Variants in PDE10A observed in about 807,000 individuals in gnomAD.
The protein encoded by PDE10A is phosphodiesterase 10A, also known as cAMP and cAMP-inhibited cGMP 3',5'-cyclic phosphodiesterase 10A.
PDE10A carries 39 observed loss-of-function variants against 97.7 expected under a neutral mutation model. The observed-to-expected ratio is 0.40, with a 90% CI of 0.31 to 0.52. The LOEUF is 0.52. Ranked by LOEUF, PDE10A falls within the 20% of genes least tolerant of loss-of-function variation. The probability of loss-of-function intolerance (pLI) is 0.56; values close to 1 mark genes in which losing one functional copy is unlikely to be tolerated. For missense variants in PDE10A, 731 were observed against 1,047.8 expected (o/e 0.70, Z 4.17); for synonymous variants, 371 against 376.8 (o/e 0.98, Z 0.18).
At chr6:165,613,935 T>C (rs78930052) in intron 1 of PDE10A, among the ~76,000 whole-genome samples, 2,339 of 152,164 alleles carry the variant, frequency 0.015, 58 homozygotes, top group African/African-American at 0.053. Context: ...TCCTTCTCCA[T>C]TCCCCTTCTC....
At chr6:165,807,864 T>G (rs1345238214) in intron 1 of PDE10A, among the ~76,000 whole-genome samples, 3 of 152,206 alleles carry the variant, frequency 2.0e-5, no homozygotes. Flanking sequence ...TGTGCCTGTT[T>G]CCATATGTGT....
intron 1 of PDE10A, among the ~76,000 whole-genome samples, chr6:165,961,129 T>A (rs996704605): frequency 2.0e-5 from 3 of 151,956 alleles, no homozygotes; most frequent in Admixed American, 6.6e-5. Context: ...GGGGATGGGG[T>A]GCAGGGGACC....
At chr6:165,729,786 GAA>G (rs11383862) in intron 1 of PDE10A, among the ~76,000 whole-genome samples, 1 of 151,082 alleles carries the variant, frequency 6.6e-6, no homozygotes, top group African/African-American at 2.4e-5. Context: ...TTACTAGGCA[GAA>G]AAAAAAATCC....
chr6:165,443,347 T>G (rs757997155), intron 5 of PDE10A, among the ~76,000 whole-genome samples: 106 of 152,174 alleles, frequency 7.0e-4, no homozygotes, highest in Non-Finnish European at 1.3e-3. Flanking sequence ...GGCCCCAAAA[T>G]AATCTCCTTT....
At chr6:165,339,625 A>G (rs1254078140) in intron 19 of PDE10A, among the ~76,000 whole-genome samples, 1 of 152,212 alleles carries the variant, frequency 6.6e-6, no homozygotes, top group African/African-American at 2.4e-5. Context: ...AATAAATGTT[A>G]TAATAAGAGG....
intron 1 of PDE10A, among the ~76,000 whole-genome samples, chr6:165,820,806 G>T (rs2128469106): frequency 6.6e-6 from 1 of 152,336 alleles, no homozygotes. Context: ...CTTGCTTTCA[G>T]AAAAATCAAA....
intron 1 of PDE10A, among the ~76,000 whole-genome samples, chr6:165,590,521 C>G (rs562162181): frequency 1.3e-5 from 2 of 152,282 alleles, no homozygotes; most frequent in South Asian, 4.1e-4. Context: ...TTATTATGTG[C>G]CATGTACAAA....
chr6:165,827,032 C>T (rs1384310221), intron 1 of PDE10A, among the ~76,000 whole-genome samples: 1 of 152,080 alleles, frequency 6.6e-6, no homozygotes, highest in Non-Finnish European at 1.5e-5. Context: ...ACGCCAGCCG[C>T]ACAGCCTCGG....
chr6:165,619,639 GTAGTA>G (rs1426420016), intron 1 of PDE10A, among the ~76,000 whole-genome samples: 4 of 125,012 alleles, frequency 3.2e-5, no homozygotes, highest in Non-Finnish European at 5.5e-5. Context: ...ATAGTGTAGT[GTAGTA>G]TAGTCTAGTG....
At chr6:165,925,014 T>C (rs1782889463) in intron 1 of PDE10A, among the ~76,000 whole-genome samples, 1 of 152,184 alleles carries the variant, frequency 6.6e-6, no homozygotes, top group Non-Finnish European at 1.5e-5. Context: ...GCACACCTCA[T>C]GTCCGCCAAG....
At chr6:165,419,106 C>T (rs1788518959) in intron 10 of PDE10A, among the ~76,000 whole-genome samples, 1 of 152,146 alleles carries the variant, frequency 6.6e-6, no homozygotes, top group Non-Finnish European at 1.5e-5. Flanking sequence ...GGCCTAACTT[C>T]CCAGTGCCCT....
intron 1 of PDE10A, among the ~76,000 whole-genome samples, chr6:165,807,145 A>G (rs1779163129): frequency 6.6e-6 from 1 of 152,088 alleles, no homozygotes; most frequent in Non-Finnish European, 1.5e-5. Flanking sequence ...ACATTCCTTC[A>G]GTGGACTACT....
At chr6:165,972,152 A>T (rs529322708) in intron 1 of PDE10A, among the ~76,000 whole-genome samples, 1 of 152,218 alleles carries the variant, frequency 6.6e-6, no homozygotes. Flanking sequence ...ATTGAGAATT[A>T]GGTGTGAAAA....
At chr6:165,376,662 C>T (rs983499423) in intron 18 of PDE10A, among the ~76,000 whole-genome samples, 2 of 152,174 alleles carry the variant, frequency 1.3e-5, no homozygotes, top group Non-Finnish European at 2.9e-5. Context: ...GGCCTGTAAT[C>T]CCAGTTACTC....
chr6:165,793,566 C>T (rs1366135163), intron 1 of PDE10A, among the ~76,000 whole-genome samples: 1 of 152,194 alleles, frequency 6.6e-6, no homozygotes, highest in Non-Finnish European at 1.5e-5. Context: ...AACCTGTGCT[C>T]TCCACACCCC....
At chr6:165,677,946 G>A (rs1015603698) in intron 1 of PDE10A, among the ~76,000 whole-genome samples, 8 of 151,802 alleles carry the variant, frequency 5.3e-5, no homozygotes, top group South Asian at 2.1e-4. Context: ...TTGTATATCC[G>A]TGTGTGTGTT....
intron 1 of PDE10A, among the ~76,000 whole-genome samples, chr6:165,919,243 G>A (rs948118549): frequency 3.3e-5 from 5 of 152,124 alleles, no homozygotes; most frequent in South Asian, 2.1e-4. Context: ...TCTACCCACC[G>A]AAAATAGGAA....
At chr6:165,609,394 C>A (rs530651021) in intron 1 of PDE10A, among the ~76,000 whole-genome samples, 213 of 152,300 alleles carry the variant, frequency 1.4e-3, no homozygotes, top group Non-Finnish European at 2.5e-3. Flanking sequence ...AAACCACAGC[C>A]AATATCATAC....
chr6:165,529,224 A>G (rs1195299102), intron 2 of PDE10A, among the ~76,000 whole-genome samples: 1 of 152,212 alleles, frequency 6.6e-6, no homozygotes, highest in Non-Finnish European at 1.5e-5. Flanking sequence ...GACCCAGACT[A>G]TCAAGATGAA....
Sources: gnomAD v4.1 joint callset for allele counts (sites outside exome capture counted in the v4.1 genomes callset) on GRCh38, gnomAD v4.1.1 for gene constraint, MANE v1.5 for transcripts, NCBI Gene and HGNC (gene_info 2026-07-23, HGNC 2026-07-21) for gene names.